AHI1: variants seen among roughly 807,000 people sequenced by gnomAD.
AHI1 encodes jouberin.
A neutral mutation model predicts 149.3 loss-of-function variants in AHI1; 123 were observed. The ratio of observed to expected loss-of-function variants is 0.82; its 90% CI spans 0.71 to 0.96. The LOEUF (loss-of-function observed/expected upper bound fraction) is 0.96, where lower values mean the gene tolerates loss of function less well. AHI1 is among the 40% of genes least tolerant of loss of function. AHI1 has a pLI of 0.00. For missense variants in AHI1, 1,439 were observed against 1,422.7 expected (o/e 1.01, Z -0.18); for synonymous variants, 475 against 459.8 (o/e 1.03, Z -0.42).
chr6:135,287,715 C>T (rs1781859128), intron 28 of AHI1, among the ~76,000 whole-genome samples: 1 of 152,152 alleles, frequency 6.6e-6, no homozygotes, highest in Non-Finnish European at 1.5e-5. Flanking sequence ...GAGAAAGAAA[C>T]ATTCTTCTTA....
chr6:135,325,451 C>T (rs867358745), intron 24 of AHI1, among the ~76,000 whole-genome samples: 7 of 152,200 alleles, frequency 4.6e-5, no homozygotes, highest in African/African-American at 1.7e-4. Context: ...GAGAGGAAAG[C>T]TAATTAAAAT....
intron 27 of AHI1, among the ~76,000 whole-genome samples, chr6:135,293,846 T>C (rs949448884): frequency 3.3e-5 from 5 of 152,216 alleles, no homozygotes; most frequent in African/African-American, 4.8e-5. Flanking sequence ...AATTGGAATA[T>C]GCTATAGAAA....
chr6:135,369,892 C>T (rs1420828878), intron 23 of AHI1, among the ~76,000 whole-genome samples: 1 of 152,132 alleles, frequency 6.6e-6, no homozygotes, highest in Non-Finnish European at 1.5e-5. Flanking sequence ...GAAATCCTGA[C>T]TTCCATGAAA....
intron 15 of AHI1, among the ~76,000 whole-genome samples, chr6:135,437,050 T>C (rs28376415): frequency 6.6e-6 from 1 of 152,150 alleles, no homozygotes; most frequent in African/African-American, 2.4e-5. Flanking sequence ...GCCTCTTTGT[T>C]AAAAGAGATG....
At chr6:135,320,453 TA>T (rs906204825) in intron 25 of AHI1, among the ~76,000 whole-genome samples, 1 of 152,120 alleles carries the variant, frequency 6.6e-6, no homozygotes, top group African/African-American at 2.4e-5. Flanking sequence ...TATTAGCTTT[TA>T]AAAAAAATTT....
At chr6:135,436,495 C>T (rs887145068) in intron 15 of AHI1, among the ~76,000 whole-genome samples, 1 of 152,100 alleles carries the variant, frequency 6.6e-6, no homozygotes, top group Non-Finnish European at 1.5e-5. Context: ...GAAGTAAAGA[C>T]AGTATGTGTA....
At chr6:135,342,204 G>A (rs189175258) in intron 24 of AHI1, among the ~76,000 whole-genome samples, 3 of 151,082 alleles carry the variant, frequency 2.0e-5, no homozygotes, top group Non-Finnish European at 3.0e-5. Flanking sequence ...TATATGAAAG[G>A]GACAAAAAAA....
intron 25 of AHI1, among the ~76,000 whole-genome samples, chr6:135,322,024 A>G (rs968631906): frequency 6.6e-6 from 1 of 152,156 alleles, no homozygotes; most frequent in Non-Finnish European, 1.5e-5. Flanking sequence ...GCTGGTCTCG[A>G]ACTCCTGACC....
At chr6:135,385,491 T>C (rs1026266817) in intron 23 of AHI1, among the ~76,000 whole-genome samples, 1 of 152,196 alleles carries the variant, frequency 6.6e-6, no homozygotes, top group Non-Finnish European at 1.5e-5. Context: ...GAACAAAGAA[T>C]TGACCACTGG....
intron 16 of AHI1, among the ~76,000 whole-genome samples, chr6:135,432,574 G>C (rs181352323): frequency 0.011 from 1,600 of 152,148 alleles, 14 homozygotes; most frequent in Non-Finnish European, 0.017. Flanking sequence ...GGATGGTCTT[G>C]ATCTCCTGAC....
In AHI1 at chr6:135,431,261, A is replaced by G; in HGVS notation, c.2320T>C (p.Tyr774His). ...TGTTCCAAATCATTAATCTTGACAT[A>G]GGTATTCCAAACAACAATCACCCCT... is the stretch of plus-strand genomic sequence containing the variant. ...CTGVIVVWNT[Y>H]VKINDLEHSV... Residue 774 changes from tyrosine (Y) to histidine (H), a missense_variant, in exon 17 of 29, where the codon TAT (tyrosine) becomes CAT (histidine). By Grantham distance (83) the Tyr-to-His change is moderately conservative. Transcript: ENST00000265602. 1.9e-6 allele frequency: 3 copies of G among 1,609,390 alleles called. No homozygotes were observed. Among genetic ancestry groups the G allele is most frequent in the Non-Finnish European group, 2.5e-6 (3 of 1,177,174 alleles).
intron 23 of AHI1, among the ~76,000 whole-genome samples, chr6:135,369,091 G>T (rs1443965609): frequency 2.6e-5 from 4 of 152,156 alleles, no homozygotes; most frequent in Non-Finnish European, 4.4e-5. Flanking sequence ...GTGCCCACAG[G>T]GCTCTTCCCA....
At chr6:135,352,258 C>T (rs1024283163) in intron 24 of AHI1, among the ~76,000 whole-genome samples, 79 of 152,168 alleles carry the variant, frequency 5.2e-4, no homozygotes, top group South Asian at 4.1e-4. Context: ...ATAGTCTTAA[C>T]TGTTAACCTA....
chr6:135,376,963 A>AATCTTTCTAGATCATAACAATCT (rs1776040106), intron 23 of AHI1, among the ~76,000 whole-genome samples: 1 of 149,964 alleles, frequency 6.7e-6, no homozygotes, highest in African/African-American at 2.4e-5. Flanking sequence ...ATAACAACCA[A>AATCTTTCTAGATCATAACAATCT]AGAAAGATTC....
At position 135,438,357 on chromosome 6, in the gene AHI1, C is replaced by T; in HGVS notation, c.2036+18G>A. 1 of 1,574,710 alleles carries T rather than the reference C, an allele frequency of 6.4e-7. No homozygotes were observed. The highest frequency in any genetic ancestry group is 1.2e-5 in the South Asian group (1 of 83,098). On this transcript the variant is annotated intron_variant, in intron 15 of 28. Coordinates refer to ENST00000265602, the MANE Select transcript of AHI1 (RefSeq NM_001134831.2). ...ACAGCAAACAGCATGCACATAAGTA[C>T]TTCTCAAGGATACTAACCTGGCAGT...
chr6:135,289,493 A>AAAC (rs970097738), intron 28 of AHI1, among the ~76,000 whole-genome samples: 16 of 152,062 alleles, frequency 1.1e-4, no homozygotes, highest in Admixed American at 3.3e-4. Flanking sequence ...AGACGTCTCA[A>AAAC]AACAACAACA....
chr6:135,364,057 G>T (rs1794460038), intron 23 of AHI1, among the ~76,000 whole-genome samples: 1 of 150,906 alleles, frequency 6.6e-6, no homozygotes, highest in South Asian at 2.1e-4. Flanking sequence ...AGGGCGGCTG[G>T]CCGGGCGGGG....
At chr6:135,305,662 C>T (rs1784455351) in intron 26 of AHI1, among the ~76,000 whole-genome samples, 1 of 152,174 alleles carries the variant, frequency 6.6e-6, no homozygotes, top group African/African-American at 2.4e-5. Context: ...TTTTCCCAGT[C>T]TTTCAGAGCT....
At chr6:135,451,745 A>C (rs762430192) in intron 11 of AHI1, among the ~76,000 whole-genome samples, 21 of 152,318 alleles carry the variant, frequency 1.4e-4, no homozygotes, top group Admixed American at 4.6e-4. Flanking sequence ...ACTTACAGTA[A>C]ATTCTGCAGG....
Sources: allele counts gnomAD v4.1 joint callset (sites outside exome capture counted in the v4.1 genomes callset), GRCh38; gene constraint gnomAD v4.1.1; transcripts MANE v1.5; gene names NCBI Gene and HGNC (gene_info 2026-07-23, HGNC 2026-07-21).